The following PLXDC2 variants were observed in gnomAD, a reference collection of about 807,000 sequenced individuals.
PLXDC2 encodes the protein plexin domain containing 2.
A neutral mutation model predicts 68.9 loss-of-function variants in PLXDC2; 40 were observed. The ratio of observed to expected loss-of-function variants is 0.58; its 90% CI spans 0.45 to 0.76. The LOEUF is 0.76. Among genes scored for constraint, PLXDC2 ranks in the 30% least tolerant of loss-of-function variants. The pLI, the probability that PLXDC2 is intolerant of heterozygous loss-of-function variation, is 0.00. For missense variants in PLXDC2, 644 were observed against 661.9 expected (o/e 0.97, Z 0.30); for synonymous variants, 243 against 234.2 (o/e 1.04, Z -0.34).
At chr10:19,843,961 G>C (rs1450881557) in intron 1 of PLXDC2, among the ~76,000 whole-genome samples, 1 of 152,148 alleles carries the variant, frequency 6.6e-6, no homozygotes, top group Non-Finnish European at 1.5e-5. Context: ...ATGATAAACA[G>C]TGAAGGTGAT....
chr10:20,141,564 A>T (rs1834007384), intron 4 of PLXDC2, among the ~76,000 whole-genome samples: 1 of 152,090 alleles, frequency 6.6e-6, no homozygotes, highest in Non-Finnish European at 1.5e-5. Context: ...GTCTAATTCA[A>T]ACATTTCTCT....
At chr10:20,161,986 C>T in intron 6 of PLXDC2, among the ~76,000 whole-genome samples, 1 of 150,332 alleles carries the variant, frequency 6.7e-6, no homozygotes, top group East Asian at 2.0e-4. Flanking sequence ...TGTGCCATTG[C>T]ACTCCAGCCT....
chr10:20,131,140 T>A (rs993119092), intron 4 of PLXDC2, among the ~76,000 whole-genome samples: 1 of 149,638 alleles, frequency 6.7e-6, no homozygotes, highest in African/African-American at 2.5e-5. Context: ...GGTTTTTGAT[T>A]ACTGATTAAG....
At chr10:20,204,431 C>T (rs1834962766) in intron 9 of PLXDC2, among the ~76,000 whole-genome samples, 1 of 152,054 alleles carries the variant, frequency 6.6e-6, no homozygotes, top group Admixed American at 6.6e-5. Flanking sequence ...TTTAAAGCAT[C>T]TTTCCATTTC....
chr10:19,846,403 G>T (rs1031293969), intron 1 of PLXDC2, among the ~76,000 whole-genome samples: 4 of 152,114 alleles, frequency 2.6e-5, no homozygotes, highest in Admixed American at 2.6e-4. Flanking sequence ...GAGGGAAAAA[G>T]AAAGTCAAGT....
At chr10:19,822,989 C>T (rs1384701249) in intron 1 of PLXDC2, among the ~76,000 whole-genome samples, 1 of 151,908 alleles carries the variant, frequency 6.6e-6, no homozygotes, top group Non-Finnish European at 1.5e-5. Flanking sequence ...GATCTCAGCT[C>T]ACTGCAAGCA....
At chr10:19,862,494 T>A (rs1355468634) in intron 1 of PLXDC2, among the ~76,000 whole-genome samples, 4 of 152,196 alleles carry the variant, frequency 2.6e-5, no homozygotes, top group Non-Finnish European at 4.4e-5. Flanking sequence ...AGCGTTACAA[T>A]AAGATAACAG....
intron 1 of PLXDC2, among the ~76,000 whole-genome samples, chr10:19,973,314 A>ATATATATGTATACATATATGTG (rs1554849850): frequency 0.024 from 3,348 of 136,904 alleles, 156 homozygotes; most frequent in African/African-American, 0.087. Flanking sequence ...ATATACTCAC[A>ATATATATGTATACATATATGTG]TATATATGTA....
At chr10:20,055,972 T>G (rs144032542) in intron 3 of PLXDC2, among the ~76,000 whole-genome samples, 1 of 152,096 alleles carries the variant, frequency 6.6e-6, no homozygotes, top group Admixed American at 6.6e-5. Context: ...GTAATCATAG[T>G]TTAATTTGTT....
chr10:20,111,980 C>T (rs1049215473), intron 4 of PLXDC2, among the ~76,000 whole-genome samples: 12 of 152,146 alleles, frequency 7.9e-5, no homozygotes, highest in South Asian at 2.1e-4. Flanking sequence ...GGGGGAGACT[C>T]ATGGTGGGAT....
chr10:20,258,679 A>C (rs1252213022), intron 13 of PLXDC2, among the ~76,000 whole-genome samples: 1 of 152,124 alleles, frequency 6.6e-6, no homozygotes, highest in Admixed American at 6.5e-5. Flanking sequence ...GTCACATCCA[A>C]GATGTGCAAA....
chr10:20,010,758 G>A (rs1012860493), intron 2 of PLXDC2, among the ~76,000 whole-genome samples: 5 of 152,182 alleles, frequency 3.3e-5, no homozygotes, highest in Non-Finnish European at 7.3e-5. Flanking sequence ...CATGTTCAAA[G>A]AGAAATCTCA....
chr10:19,822,922 C>CTT (rs527402042), intron 1 of PLXDC2, among the ~76,000 whole-genome samples: 1 of 148,136 alleles, frequency 6.8e-6, no homozygotes, highest in Non-Finnish European at 1.5e-5. Context: ...TGTTTACTTA[C>CTT]TTTTTTTTTT....
At chr10:19,986,592 G>C (rs1220647937) in intron 1 of PLXDC2, among the ~76,000 whole-genome samples, 2 of 151,770 alleles carry the variant, frequency 1.3e-5, no homozygotes, top group African/African-American at 4.8e-5. Context: ...ATCCCAGGCT[G>C]CCTGTCTGTT....
intron 1 of PLXDC2, among the ~76,000 whole-genome samples, chr10:19,939,775 G>C (rs1833786850): frequency 6.6e-6 from 1 of 152,130 alleles, no homozygotes; most frequent in Non-Finnish European, 1.5e-5. Context: ...GGCTGAAAAA[G>C]AGCCATTATT....
At chr10:20,111,369 C>T (rs890311362) in intron 4 of PLXDC2, among the ~76,000 whole-genome samples, 1 of 152,138 alleles carries the variant, frequency 6.6e-6, no homozygotes, top group Non-Finnish European at 1.5e-5. Context: ...TTACACACAC[C>T]AGCAACTAAT....
At chr10:19,868,480 T>C (rs1837463517) in intron 1 of PLXDC2, among the ~76,000 whole-genome samples, 1 of 152,238 alleles carries the variant, frequency 6.6e-6, no homozygotes, top group Non-Finnish European at 1.5e-5. Flanking sequence ...TAGCAACCAA[T>C]GTCTTGCAAT....
At chr10:19,994,024 T>G (rs1263048494) in intron 1 of PLXDC2, among the ~76,000 whole-genome samples, 2 of 152,168 alleles carry the variant, frequency 1.3e-5, no homozygotes, top group Non-Finnish European at 1.5e-5. Flanking sequence ...CTTAAAATTG[T>G]TCTTTTTTTC....
At chr10:20,006,168 G>T (rs560262552) in intron 2 of PLXDC2, among the ~76,000 whole-genome samples, 4 of 151,772 alleles carry the variant, frequency 2.6e-5, no homozygotes, top group African/African-American at 9.7e-5. Context: ...AACAGAGCGA[G>T]ACTCAGTCTA....
Sources: gnomAD v4.1 joint callset for allele counts (sites outside exome capture counted in the v4.1 genomes callset) on GRCh38, gnomAD v4.1.1 for gene constraint, MANE v1.5 for transcripts, NCBI Gene and HGNC (gene_info 2026-07-23, HGNC 2026-07-21) for gene names.